The following JMY variants were observed in gnomAD, a reference collection of about 807,000 sequenced individuals.
The protein encoded by JMY is junction-mediating and -regulatory protein.
In JMY, 46 loss-of-function variants were observed where a neutral mutation model predicts 103.3. The ratio of observed to expected loss-of-function variants is 0.45; its 90% confidence interval spans 0.35 to 0.57. JMY has a LOEUF of 0.57. JMY is among the 20% of genes least tolerant of loss of function. The pLI is 0.00. For missense variants in JMY, 1,238 were observed against 1,255.2 expected, an observed-to-expected ratio of 0.99 and a Z score of 0.21; for synonymous variants, 526 against 489.3, an observed-to-expected ratio of 1.07 and a Z score of -0.99.
intron 1 of JMY, among the ~76,000 whole-genome samples, chr5:79,252,979 G>A (rs906768769): frequency 1.3e-5 from 2 of 151,868 alleles, no homozygotes; most frequent in South Asian, 4.1e-4. Flanking sequence ...TTGTTTTGTG[G>A]TCTCCTCTCT....
chr5:79,265,413 T>G (rs556459537), intron 1 of JMY, among the ~76,000 whole-genome samples: 7 of 152,344 alleles, frequency 4.6e-5, no homozygotes, highest in African/African-American at 1.7e-4. Flanking sequence ...TTGGCAGTCT[T>G]AACTACAATT....
intron 1 of JMY, among the ~76,000 whole-genome samples, chr5:79,256,524 C>T (rs1282893165): frequency 6.6e-6 from 1 of 152,074 alleles, no homozygotes; most frequent in East Asian, 1.9e-4. Context: ...TGCAGAGTCT[C>T]GTAAAGGGTA....
At chr5:79,238,196 A>G (rs187118111) in intron 1 of JMY, among the ~76,000 whole-genome samples, 15 of 152,222 alleles carry the variant, frequency 9.9e-5, no homozygotes, top group Non-Finnish European at 2.1e-4. Flanking sequence ...AAAAGCACCT[A>G]GTGACTATCG....
chr5:79,245,264 A>G (rs1332350225), intron 1 of JMY, among the ~76,000 whole-genome samples: 1 of 152,170 alleles, frequency 6.6e-6, no homozygotes, highest in Non-Finnish European at 1.5e-5. Flanking sequence ...TTCAACAAAT[A>G]GTAGTATAGG....
chr5:79,253,731 C>T (rs1215384285), intron 1 of JMY, among the ~76,000 whole-genome samples: 1 of 152,058 alleles, frequency 6.6e-6, no homozygotes, highest in Non-Finnish European at 1.5e-5. Flanking sequence ...CAGGGTCTCA[C>T]TCTGTCTAGG....
At chr5:79,285,753 A>T (rs1229097380) in intron 2 of JMY, among the ~76,000 whole-genome samples, 1 of 152,180 alleles carries the variant, frequency 6.6e-6, no homozygotes, top group African/African-American at 2.4e-5. Flanking sequence ...TTACATTAGT[A>T]TATTCACAGT....
Position 79,300,264 on chromosome 5 carries a change from T to G in JMY, c.1639T>G (p.Cys547Gly), listed in dbSNP as rs905010863. The G allele has an allele frequency of 6.2e-7, 1 of 1,600,138 alleles. No homozygotes were observed. Among genetic ancestry groups the G allele is most frequent in the African/African-American group, 1.4e-5 (1 of 73,868 alleles). Residue 547 changes from cysteine to glycine, a missense_variant, in exon 5 of 11, where the codon TGT becomes GGT. By Grantham distance (159) the Cys-to-Gly change is radical (BLOSUM62 -3). Coordinates refer to ENST00000396137, the MANE Select transcript of JMY (RefSeq NM_152405.5). ...LYEVQFEILK[C>G]EELLLTAQLE... The stretch of plus-strand genomic sequence containing the variant: ...TGAAGTACAGTTTGAAATCTTGAAG[T>G]GTGAAGAGTTACTATTGACAGCGCA...
At chr5:79,275,608 G>T (rs1745915438) in intron 1 of JMY, among the ~76,000 whole-genome samples, 1 of 152,084 alleles carries the variant, frequency 6.6e-6, no homozygotes, top group South Asian at 2.1e-4. Flanking sequence ...TAGCTATTTT[G>T]GTCACTCTGT....
intron 10 of JMY, among the ~76,000 whole-genome samples, chr5:79,321,133 GTA>G (rs1580379418): frequency 1.3e-5 from 2 of 152,318 alleles, no homozygotes; most frequent in East Asian, 3.9e-4. Flanking sequence ...TATCTGAAGA[GTA>G]TGTCTTTTAT....
intron 10 of JMY, among the ~76,000 whole-genome samples, chr5:79,317,724 A>T (rs757930465): frequency 1.3e-5 from 2 of 152,152 alleles, no homozygotes; most frequent in Non-Finnish European, 2.9e-5. Flanking sequence ...TTAGAGACAG[A>T]GTCTCCCTCT....
intron 1 of JMY, among the ~76,000 whole-genome samples, chr5:79,248,818 C>T (rs752349617): frequency 4.6e-5 from 7 of 151,936 alleles, no homozygotes; most frequent in East Asian, 3.9e-4. Flanking sequence ...GCAGTGGTGC[C>T]GTCATGGCTC....
chr5:79,306,689 C>T (rs1391106518), intron 7 of JMY, among the ~76,000 whole-genome samples: 1 of 152,112 alleles, frequency 6.6e-6, no homozygotes, highest in Non-Finnish European at 1.5e-5. Flanking sequence ...TACTCCTGTC[C>T]CCACACTTGA....
At position 79,241,326 on chromosome 5, in the gene JMY, G is replaced by T. The variant is rs538988767; in HGVS notation, c.1032+3644G>T. 5.9e-5 allele frequency among the ~76,000 whole-genome samples: 9 copies of T among 152,318 alleles called. No homozygotes were observed. The East Asian group carries it at 1.5e-3, about 26-fold the overall frequency. ...TAATTAGTGGATAAAGGAAACTAGAGAAGTTTTTAAAATTAATTTATTCTT... is the reference window on the plus strand; with the variant it reads ...TAATTAGTGGATAAAGGAAACTAGATAAGTTTTTAAAATTAATTTATTCTT... On this transcript the variant is annotated intron_variant, in intron 1 of 10. Transcript: ENST00000396137.
At chr5:79,265,205 T>A (rs1196367548) in intron 1 of JMY, among the ~76,000 whole-genome samples, 6 of 152,256 alleles carry the variant, frequency 3.9e-5, no homozygotes, top group Non-Finnish European at 4.4e-5. Context: ...ATTACAGGCG[T>A]GAGCTACTGC....
chr5:79,282,562 G>T (rs1385647578), intron 2 of JMY, among the ~76,000 whole-genome samples: 1 of 152,196 alleles, frequency 6.6e-6, no homozygotes, highest in Non-Finnish European at 1.5e-5. Context: ...GGACTATCTA[G>T]TGCTTCACTA....
At chr5:79,256,591 A>G (rs540604051) in intron 1 of JMY, among the ~76,000 whole-genome samples, 25 of 152,272 alleles carry the variant, frequency 1.6e-4, no homozygotes, top group African/African-American at 5.5e-4. Flanking sequence ...AATGTTTTTT[A>G]GGGATGGAGT....
At chr5:79,292,120 G>A (rs1395010443) in intron 4 of JMY, among the ~76,000 whole-genome samples, 2 of 152,020 alleles carry the variant, frequency 1.3e-5, no homozygotes, top group East Asian at 1.9e-4. Flanking sequence ...GCTTATCCGG[G>A]AAATTGTTCA....
At chr5:79,292,216 A>G (rs1746443250) in intron 4 of JMY, among the ~76,000 whole-genome samples, 1 of 152,030 alleles carries the variant, frequency 6.6e-6, no homozygotes, top group Non-Finnish European at 1.5e-5. Flanking sequence ...TCCTTTTCTA[A>G]TTAGCTTGTT....
Position 79,237,003 on chromosome 5 carries a change from G to C in JMY, c.353G>C (p.Ser118Thr). 6.8e-7 allele frequency: 1 copy of C among 1,478,858 alleles called. No individual in the cohort carries two copies. The highest frequency in any genetic ancestry group is 9.0e-7 in the Non-Finnish European group (1 of 1,116,030). 91.6% of individuals were successfully genotyped at this position (1,478,858 alleles called of 1,614,324 possible). ...SAWAEGGSPR[S>T]TRSLLGDPRL... ...TGGGCGGAGGGCGGCTCTCCTCGGA[G>C]CACTCGCAGCCTTCTGGGGGACCCG... Residue 118 changes from serine (S) to threonine (T), a missense_variant, in exon 1 of 11, where the codon AGC (serine) becomes ACC (threonine). Transcript: ENST00000396137.
Sources: gnomAD v4.1 joint callset for allele counts (sites outside exome capture counted in the v4.1 genomes callset) on GRCh38, gnomAD v4.1.1 for gene constraint, MANE v1.5 for transcripts, NCBI Gene and HGNC (gene_info 2026-07-23, HGNC 2026-07-21) for gene names.